Variants in RASEF observed in about 807,000 individuals in gnomAD.
The protein encoded by RASEF is RAS and EF-hand domain containing, also known as ras and EF-hand domain-containing protein.
In RASEF, 68 loss-of-function variants were observed where a neutral mutation model predicts 90.1. The ratio of observed to expected loss-of-function variants is 0.75; its 90% confidence interval spans 0.62 to 0.92. RASEF has a LOEUF of 0.92. Ranked by LOEUF, RASEF falls within the 40% of genes least tolerant of loss-of-function variation. RASEF has a pLI of 0.00. For synonymous variants in RASEF, 331 were observed against 345.2 expected (o/e 0.96, Z 0.46); for missense variants, 949 against 937.2 (o/e 1.01, Z -0.16).
the RASEF span, among the ~76,000 whole-genome samples, chr9:83,172,984 C>T: frequency 5.9e-5 from 9 of 151,928 alleles, no homozygotes; most frequent in Admixed American, 5.9e-4. Context: ...TTTATCTCTC[C>T]TGCATGTTTG....
At chr9:83,040,884 G>C (rs1829827503) in intron 1 of RASEF, among the ~76,000 whole-genome samples, 1 of 152,122 alleles carries the variant, frequency 6.6e-6, no homozygotes, top group Admixed American at 6.5e-5. Context: ...TTTTGAGACA[G>C]AGTTTCACTC....
At chr9:82,983,107 CCACACACACACACACACACACACA>C (rs10539196) in intron 16 of RASEF, among the ~76,000 whole-genome samples, 4 of 128,560 alleles carry the variant, frequency 3.1e-5, no homozygotes, top group Non-Finnish European at 4.9e-5. Flanking sequence ...GAGTACCAGG[CCACACACACACACACACACACACA>C]CACACACACA....
the RASEF span, among the ~76,000 whole-genome samples, chr9:83,187,991 T>G: frequency 6.6e-6 from 1 of 152,178 alleles, no homozygotes; most frequent in African/African-American, 2.4e-5. Context: ...ATTCATATTA[T>G]TATTGAGATA....
intron 16 of RASEF, among the ~76,000 whole-genome samples, chr9:82,984,747 A>C (rs935148359): frequency 3.9e-5 from 6 of 152,208 alleles, no homozygotes; most frequent in African/African-American, 1.4e-4. Context: ...TTACAAGGAC[A>C]ACGGAAGAGT....
the RASEF span, among the ~76,000 whole-genome samples, chr9:83,193,477 A>C: frequency 6.6e-6 from 1 of 152,216 alleles, no homozygotes; most frequent in Non-Finnish European, 1.5e-5. Context: ...TGAGTACTTC[A>C]ACAAGTTTTA....
At chr9:83,097,162 T>C in the RASEF span, among the ~76,000 whole-genome samples, 1 of 152,224 alleles carries the variant, frequency 6.6e-6, no homozygotes, top group African/African-American at 2.4e-5. Context: ...ATGGGATGGC[T>C]GGGTCAAATG....
At chr9:83,203,840 T>C in the RASEF span, among the ~76,000 whole-genome samples, 1 of 152,138 alleles carries the variant, frequency 6.6e-6, no homozygotes, top group Non-Finnish European at 1.5e-5. Context: ...GGAGGTCCTA[T>C]GGCTGGAGCA....
At chr9:83,083,623 T>C in the RASEF span, among the ~76,000 whole-genome samples, 5 of 152,208 alleles carry the variant, frequency 3.3e-5, no homozygotes, top group Admixed American at 3.3e-4. Context: ...ATTAAAAATG[T>C]AAAATGCCAT....
the RASEF span, among the ~76,000 whole-genome samples, chr9:83,205,384 C>A: frequency 6.6e-6 from 1 of 152,148 alleles, no homozygotes; most frequent in African/African-American, 2.4e-5. Flanking sequence ...CACTTGCAAT[C>A]AAAATAATAC....
chr9:83,009,569 C>T (rs968927781), intron 6 of RASEF, 72 bp downstream of exon 6: 1 of 811,164 alleles, frequency 1.2e-6, no homozygotes. Context: ...TATTCCATAG[C>T]TGAGCTTCTT....
chr9:83,101,950 A>G, the RASEF span, among the ~76,000 whole-genome samples: 1 of 152,180 alleles, frequency 6.6e-6, no homozygotes, highest in Non-Finnish European at 1.5e-5. Context: ...TTTCTCTGTA[A>G]GGCGCATCAC....
intron 1 of RASEF, chr9:83,048,284 G>A: frequency 1.0e-6 from 1 of 985,358 alleles, no homozygotes; most frequent in Non-Finnish European, 1.2e-6. Flanking sequence ...GCAAAAGAAG[G>A]CATGAAGGCG....
chr9:83,083,704 T>C, the RASEF span, among the ~76,000 whole-genome samples: 1 of 152,142 alleles, frequency 6.6e-6, no homozygotes, highest in Non-Finnish European at 1.5e-5. Context: ...CCCTATGTAA[T>C]GCTGGCTACA....
At chr9:83,177,462 T>C in the RASEF span, among the ~76,000 whole-genome samples, 1 of 152,152 alleles carries the variant, frequency 6.6e-6, no homozygotes, top group East Asian at 1.9e-4. Context: ...GATTGTCTCC[T>C]GGATATAAGG....
chr9:83,073,674 CTG>C, the RASEF span, among the ~76,000 whole-genome samples: 1 of 152,226 alleles, frequency 6.6e-6, no homozygotes, highest in Admixed American at 6.5e-5. Flanking sequence ...TATAAAGCCA[CTG>C]TGCATACAAT....
the RASEF span, among the ~76,000 whole-genome samples, chr9:83,170,793 C>T: frequency 1.3e-5 from 2 of 151,830 alleles, no homozygotes; most frequent in Non-Finnish European, 3.0e-5. Context: ...TTACTGGATT[C>T]CTTTACCAAT....
At chr9:83,179,575 G>A in the RASEF span, among the ~76,000 whole-genome samples, 1 of 152,174 alleles carries the variant, frequency 6.6e-6, no homozygotes, top group African/African-American at 2.4e-5. Flanking sequence ...ATCAAGGCAA[G>A]GACCATGTGT....
At chr9:83,047,381 C>T (rs1360910663) in intron 1 of RASEF, among the ~76,000 whole-genome samples, 2 of 152,152 alleles carry the variant, frequency 1.3e-5, no homozygotes, top group Non-Finnish European at 2.9e-5. Flanking sequence ...GCCTAAGGGA[C>T]AAAGAATTCC....
the RASEF span, among the ~76,000 whole-genome samples, chr9:83,076,033 T>G: frequency 1.3e-5 from 2 of 151,992 alleles, no homozygotes; most frequent in Admixed American, 1.3e-4. Context: ...CTGGGCGTGG[T>G]GGCACGTGCC....
Sources: gnomAD v4.1 joint callset for allele counts (sites outside exome capture counted in the v4.1 genomes callset) on GRCh38, gnomAD v4.1.1 for gene constraint, MANE v1.5 for transcripts, NCBI Gene and HGNC (gene_info 2026-07-23, HGNC 2026-07-21) for gene names.